Variants in GIT1 observed in about 807,000 individuals in gnomAD.
GIT1 encodes the protein GIT ArfGAP 1.
A neutral mutation model predicts 91.7 loss-of-function variants in GIT1; 14 were observed. The ratio of observed to expected loss-of-function variants is 0.15; its 90% CI spans 0.10 to 0.24. The LOEUF (loss-of-function observed/expected upper bound fraction) is 0.24. Ranked by LOEUF, GIT1 falls within the 10% of genes least tolerant of loss-of-function variation. GIT1 has a pLI of 1.00. For synonymous variants in GIT1, 414 were observed against 418.2 expected (o/e 0.99, Z 0.12); for missense variants, 717 against 1,024.9 (o/e 0.70, Z 4.10).
chr17:29,579,284 C>T, intron 7 of GIT1: 1 of 477,310 alleles, frequency 2.1e-6, no homozygotes, highest in South Asian at 3.2e-5. Context: ...CACCTGTTGC[C>T]TGGGCTTTGT....
At chr17:29,583,656 T>G (rs2033480933) in intron 1 of GIT1, 40 bp from the exon 2 acceptor site, 1 of 1,542,950 alleles carries the variant, frequency 6.5e-7, no homozygotes, top group Non-Finnish European at 8.7e-7. Flanking sequence ...AGCCAGATGA[T>G]GGGCCAGACC....
intron 1 of GIT1, among the ~76,000 whole-genome samples, chr17:29,587,731 CCA>C (rs1195165938): frequency 1.3e-5 from 2 of 152,158 alleles, no homozygotes; most frequent in African/African-American, 4.8e-5. Context: ...GCTGAGGACC[CCA>C]CAGTGAGGAA....
intron 2 of GIT1, 76 bp downstream of exon 2, chr17:29,583,407 G>A: frequency 6.7e-7 from 1 of 1,491,932 alleles, no homozygotes; most frequent in Non-Finnish European, 9.2e-7. Flanking sequence ...GGTGTATGTG[G>A]GTGAGGGGGA....
At position 29,575,556 on chromosome 17, in the gene GIT1, A is replaced by T; in HGVS notation, c.1826+74T>A. On this transcript the variant is annotated intron_variant, in intron 17 of 19. Coordinates refer to ENST00000225394, the MANE Select transcript of GIT1 (RefSeq NM_014030.4). This position sits in a 1 kb window ranked among gnomAD's most constrained non-coding sequence, Gnocchi z 5.5. ...CTCGGAGCCGCCCGCCTTGGTCCTC[A>T]CACACTGGGGGCCCTCTCAACCTCC... 6.4e-7 allele frequency: 1 copy of T among 1,563,742 alleles called. No individual in the cohort carries two copies.
chr17:29,576,079 C>T lies in GIT1; in HGVS notation c.1664G>A (p.Arg555Gln), dbSNP rs149260772. The T allele has an allele frequency of 5.0e-6, 8 of 1,613,436 alleles. No individual in the cohort carries two copies. The highest frequency in any genetic ancestry group is 1.3e-5 in the African/African-American group (1 of 74,898). The stretch of plus-strand genomic sequence containing the variant: ...TGGACACGCCTTCCCCAGGCTTACC[C>T]GGTAAAGGCCAGCAGGGACGTGCAC... ...YSVHVPAGLYRIRKGVSASAV... is the reference protein window; with the variant it reads ...YSVHVPAGLYQIRKGVSASAV... Residue 555 changes from arginine (R) to glutamine (Q), a missense_variant and splice_region_variant, in exon 15 of 20, where the codon CGG becomes CAG. Around this residue, in one of 3 missense-constraint regions of GIT1, gnomAD observed 312 missense variants for 349.5 expected, o/e 0.89. Coordinates refer to ENST00000225394, the MANE Select transcript of GIT1 (RefSeq NM_014030.4).
intron 1 of GIT1, among the ~76,000 whole-genome samples, chr17:29,588,463 G>A (rs1212220339): frequency 1.3e-5 from 2 of 152,114 alleles, no homozygotes; most frequent in African/African-American, 2.4e-5. Context: ...GAAAAGGAAG[G>A]GAACCACCAT....
intron 1 of GIT1, among the ~76,000 whole-genome samples, chr17:29,588,739 G>C (rs1358327609): frequency 6.6e-6 from 1 of 152,222 alleles, no homozygotes; most frequent in Non-Finnish European, 1.5e-5. Context: ...CTGAACGCCA[G>C]GCCCGGCAAG....
At position 29,582,010 on chromosome 17, in the gene GIT1, T is replaced by C. The variant is rs1220056057; in HGVS notation, c.540A>G (p.Thr180=). The C allele has an allele frequency of 4.3e-6, 7 of 1,612,724 alleles. No individual in the cohort carries two copies. In the South Asian group the frequency reaches 5.5e-5, roughly 13 times the overall value. The change falls in exon 5 of 20, where the codon ACA becomes ACG. Residue 180 remains threonine, a synonymous_variant. Transcript: ENST00000225394. ...PLHVAAKAGQ[T]LQAELLVVYG... is the part of the protein sequence containing the mutation. ...ACACTACAAGCAGCTCGGCCTGCAG[T>C]GTCTGTCCTGCCTTGGCAGCCACGT...
rs11548560 is a variant in GIT1, at chr17:29,574,885, T to C, written c.2103A>G (p.Ser701=). The change falls in exon 20 of 20, where the codon TCA becomes TCG. Residue 701 remains serine (S), a synonymous_variant. Transcript: ENST00000225394. ...AGGCGCTGGCGTTGAGCAGCCGCAG[T>C]GAGCTCCGCACTGGCTCCAGGGCTG... The part of the protein sequence containing the change: ...KRPALEPVRS[S]LRLLNASAYR... 32,086 of 1,575,840 alleles carry C rather than the reference T, an allele frequency of 0.02. 375 individuals are homozygous for C. Among genetic ancestry groups the C allele is most frequent in the Middle Eastern group, 0.025 (150 of 6,022 alleles).
Position 29,582,758 on chromosome 17 carries a change from T to A in GIT1, c.345A>T (p.Ala115=). 1 of 1,613,710 alleles carries A rather than the reference T, an allele frequency of 6.2e-7. No homozygotes were observed. Among genetic ancestry groups the A allele is most frequent in the Non-Finnish European group, 8.5e-7 (1 of 1,179,984 alleles). Residue 115 remains alanine (A), a synonymous_variant, in exon 4 of 20, where the codon GCA becomes GCT. Transcript: ENST00000225394. The stretch of plus-strand genomic sequence containing the variant: ...CCCGGCAGGGAAGCTTGTGCACAAA[T>A]GCCAGCATCTGGTACTTGGCCCTGA... ...EFIRAKYQML[A]FVHKLPCRDD... is the part of the protein sequence containing the mutation.
chr17:29,576,172 G>A lies in GIT1; in HGVS notation c.1612-41C>T, dbSNP rs368875155. On this transcript the variant is annotated intron_variant, in intron 14 of 19. Transcript: ENST00000225394. ...CAGCGAGCGTCATGGTGGACCCTGC[G>A]GCAGCCCCACCCATCTCCCCACACC... The A allele has an allele frequency of 2.4e-5, 39 of 1,611,074 alleles. No homozygotes were observed. The African/African-American group carries it at 4.3e-4, about 18-fold the overall frequency.
chr17:29,580,177 T>C (rs2033349382), intron 7 of GIT1, among the ~76,000 whole-genome samples: 1 of 152,230 alleles, frequency 6.6e-6, no homozygotes, highest in Non-Finnish European at 1.5e-5. Flanking sequence ...CTCAGCTGCC[T>C]CTGTGCTCCC....
intron 12 of GIT1, 35 bp from the exon 13 acceptor site, chr17:29,576,709 G>A (rs2033217158): frequency 3.1e-6 from 5 of 1,611,776 alleles, no homozygotes; most frequent in Admixed American, 1.7e-5. Flanking sequence ...CAGCACCTGG[G>A]GGCAGGGAGG....
At position 29,575,799 on chromosome 17, in the gene GIT1, A is replaced by G; in HGVS notation, c.1752+13T>C. ...CCCAGCCACCCTGTGGGCACTGGGC[A>G]TGGAAACATTACCGTGTGGCGGCTT... On this transcript the variant is annotated intron_variant, in intron 16 of 19. Transcript: ENST00000225394. This position sits in a 1 kb window ranked among gnomAD's most constrained non-coding sequence, Gnocchi z 5.5. 1.2e-6 allele frequency: 2 copies of G among 1,612,984 alleles called. 1 individual carries two copies. Among genetic ancestry groups the G allele is most frequent in the South Asian group, 2.2e-5 (2 of 90,998 alleles).
chr17:29,577,836 C>T, intron 9 of GIT1, 94 bp from the exon 10 acceptor site: 1 of 773,774 alleles, frequency 1.3e-6, no homozygotes, highest in East Asian at 2.5e-5. Context: ...TAGCTGCCCC[C>T]ACGCCTACTG....
chr17:29,581,900 A>G lies in GIT1; in HGVS notation c.623+27T>C, dbSNP rs749964192. On this transcript the variant is annotated intron_variant, in intron 5 of 19. Coordinates refer to ENST00000225394, the MANE Select transcript of GIT1 (RefSeq NM_014030.4). This position sits in a 1 kb window ranked among gnomAD's most constrained non-coding sequence, Gnocchi z 4.8. ...CCCTCACCCACACCCCCACCCACCCACACTGCACCCTTCAGCCGACCCTCA... is the reference window on the plus strand; with the variant it reads ...CCCTCACCCACACCCCCACCCACCCGCACTGCACCCTTCAGCCGACCCTCA... The G allele has an allele frequency of 1.4e-6, 2 of 1,391,614 alleles. No homozygotes were observed. The highest frequency in any genetic ancestry group is 1.0e-6 in the Non-Finnish European group (1 of 999,034). The allele number at this position is 1,391,614 out of a possible 1,614,324, so 86.2% of individuals were successfully genotyped here. A position where few individuals can be genotyped will look rare whatever the true frequency, so the allele number is the denominator to read the frequency against.
rs775458725 is a variant in GIT1, at chr17:29,576,887, G to T, written c.1203C>A (p.Gly401=). 10 of 1,575,104 alleles carry T rather than the reference G, an allele frequency of 6.3e-6. No individual in the cohort carries two copies. Among genetic ancestry groups the T allele is most frequent in the Non-Finnish European group, 8.6e-6 (10 of 1,162,102 alleles). The part of the protein sequence containing the change: ...DTDQEPLRST[G]ATRSNRARSM... ...CCCGGGCCCGGTTGCTCCGAGTGGC[G>T]CCGGTGCTGCGCAGGGGCTCCTGGT... is the stretch of plus-strand genomic sequence containing the variant. Residue 401 remains glycine, a synonymous_variant, in exon 12 of 20, where the codon GGC becomes GGA. Coordinates refer to ENST00000225394, the MANE Select transcript of GIT1 (RefSeq NM_014030.4).
rs2033216132 is a variant in GIT1 at position 29,576,689 on chromosome 17, C to T, written c.1228-15G>A. ...GAGTCCATGCTCTGCAGAGAGAGAC[C>T]TAAGCTGGTCAGCACCTGGGGGCAG... On this transcript the variant is annotated splice_polypyrimidine_tract_variant and intron_variant, in intron 12 of 19. Coordinates refer to ENST00000225394, the MANE Select transcript of GIT1 (RefSeq NM_014030.4). 2 of 1,613,606 alleles carry T rather than the reference C, an allele frequency of 1.2e-6. No homozygotes were observed. The highest frequency in any genetic ancestry group is 1.1e-5 in the South Asian group (1 of 91,078).
At position 29,577,118 on chromosome 17, in the gene GIT1, C is replaced by T. The variant is rs1335634894; in HGVS notation, c.1093+18G>A. 2 of 1,610,956 alleles carry T rather than the reference C, an allele frequency of 1.2e-6. No individual in the cohort carries two copies. Among genetic ancestry groups the T allele is most frequent in the Non-Finnish European group, 1.7e-6 (2 of 1,177,634 alleles). ...GAGCCCCGCCTGCTTCCCACACCCT[C>T]CCACACAACCCTCCCACCTGTGGGG... On this transcript the variant is annotated intron_variant, in intron 11 of 19. Coordinates refer to ENST00000225394, the MANE Select transcript of GIT1 (RefSeq NM_014030.4).
Sources: gnomAD v4.1 joint callset for allele counts (sites outside exome capture counted in the v4.1 genomes callset) on GRCh38, gnomAD v4.1.1 for gene constraint, gnomAD v4.1.1 regional missense constraint, Gnocchi (gnomAD v3.1) non-coding constraint, MANE v1.5 for transcripts, NCBI Gene and HGNC (gene_info 2026-07-23, HGNC 2026-07-21) for gene names.